SLC39A12: variants seen among roughly 807,000 people sequenced by gnomAD.
SLC39A12 encodes zinc transporter ZIP12.
In SLC39A12, 63 loss-of-function variants were observed where a neutral mutation model predicts 71.1. The observed-to-expected ratio is 0.89, with a 90% CI of 0.72 to 1.09. The LOEUF is 1.09. Ranked by LOEUF, SLC39A12 falls within the 50% of genes least tolerant of loss-of-function variation. The pLI, the probability that SLC39A12 is intolerant of heterozygous loss-of-function variation, is 0.00. For synonymous variants in SLC39A12, 351 were observed against 301.3 expected (o/e 1.16, Z -1.71); for missense variants, 892 against 812.6 (o/e 1.10, Z -1.19).
At chr10:18,035,548 T>C (rs1477614916) in intron 12 of SLC39A12, among the ~76,000 whole-genome samples, 1 of 151,868 alleles carries the variant, frequency 6.6e-6, no homozygotes, top group South Asian at 2.1e-4. Context: ...TTTACATTCT[T>C]CTAAATTTTT....
intron 10 of SLC39A12, among the ~76,000 whole-genome samples, chr10:17,998,106 C>A (rs1027170495): frequency 1.2e-4 from 19 of 152,278 alleles, no homozygotes; most frequent in African/African-American, 4.3e-4. Context: ...TTAAGCGATT[C>A]TCCTGCCTCA....
chr10:17,960,737 G>A lies in SLC39A12; in HGVS notation c.262-844G>A, dbSNP rs117815386. Among the ~76,000 whole-genome samples, 990 of 152,318 alleles carry A rather than the reference G, an allele frequency of 6.5e-3. 6 individuals are homozygous for A. The highest frequency in any genetic ancestry group is 0.02 in the Middle Eastern group (6 of 294). Reference sequence around the variant, plus strand: ...CAGCACAGTAACCACTAGCCCGCTTGTAACTGTTGGGCACTTGATTCGTGG... The same window carrying A: ...CAGCACAGTAACCACTAGCCCGCTTATAACTGTTGGGCACTTGATTCGTGG... On this transcript the variant is annotated intron_variant, in intron 2 of 12. Transcript: ENST00000377369.
At chr10:18,004,546 AC>A in intron 12 of SLC39A12, 1 of 152,246 alleles carries the variant, frequency 6.6e-6, no homozygotes, top group Middle Eastern at 3.4e-3. Context: ...CCATTTTTAA[AC>A]CCCACTCTAA....
Position 17,989,657 on chromosome 10 carries a change from G to A in SLC39A12, c.1270-1494G>A, listed in dbSNP as rs183743588. Among the ~76,000 whole-genome samples the A allele has an allele frequency of 2.8e-3, 419 of 152,226 alleles. 2 individuals are homozygous for A. Among genetic ancestry groups the A allele is most frequent in the African/African-American group, 9.5e-3 (394 of 41,548 alleles). On this transcript the variant is annotated intron_variant, in intron 7 of 12. Transcript: ENST00000377369. ...ACAAGAGCCGGGTGCAGTGGTTCAC[G>A]CCTGTAATCCCAGCACTTTGGGAGG...
chr10:17,991,029 C>T, intron 7 of SLC39A12, 122 bp from the exon 8 acceptor site: 1 of 1,003,444 alleles, frequency 1.0e-6, no homozygotes, highest in Non-Finnish European at 1.4e-6. Flanking sequence ...TAATAGTTGT[C>T]ACGGCATTTC....
At chr10:17,983,091 T>C (rs1835304606) in intron 6 of SLC39A12, among the ~76,000 whole-genome samples, 1 of 142,072 alleles carries the variant, frequency 7.0e-6, no homozygotes, top group South Asian at 2.2e-4. Context: ...TCCCAGCTAC[T>C]TGGGAGACGG....
chr10:17,974,764 C>G (rs567095073), intron 4 of SLC39A12, among the ~76,000 whole-genome samples: 1 of 152,128 alleles, frequency 6.6e-6, no homozygotes, highest in Non-Finnish European at 1.5e-5. Context: ...ACTGTAACCA[C>G]TCCCCGGCTA....
intron 7 of SLC39A12, among the ~76,000 whole-genome samples, chr10:17,989,077 C>A (rs1192628505): frequency 6.6e-6 from 1 of 152,190 alleles, no homozygotes; most frequent in Non-Finnish European, 1.5e-5. Flanking sequence ...TGTGCTGAGG[C>A]TCTTTTTCAG....
At chr10:18,041,767 GTATACATATGTA>G (rs1446143818) in intron 12 of SLC39A12, among the ~76,000 whole-genome samples, 1 of 141,674 alleles carries the variant, frequency 7.1e-6, no homozygotes, top group African/African-American at 2.6e-5. Context: ...GTATACATAT[GTATACATATGTA>G]TATACATATG....
At chr10:17,961,078 G>A (rs1834676475) in intron 2 of SLC39A12, among the ~76,000 whole-genome samples, 1 of 152,122 alleles carries the variant, frequency 6.6e-6, no homozygotes, top group African/African-American at 2.4e-5. Context: ...GTGAGAGGGT[G>A]ACAATTTAGG....
At chr10:17,984,460 G>A (rs1835350733) in intron 6 of SLC39A12, among the ~76,000 whole-genome samples, 1 of 152,212 alleles carries the variant, frequency 6.6e-6, no homozygotes, top group African/African-American at 2.4e-5. Context: ...GTCTTTTGCA[G>A]TTACCACTTC....
intron 4 of SLC39A12, among the ~76,000 whole-genome samples, chr10:17,977,299 C>G (rs1835134334): frequency 6.6e-6 from 1 of 150,984 alleles, no homozygotes; most frequent in Non-Finnish European, 1.5e-5. Context: ...TCTGGAAATA[C>G]TGAGATGTAT....
chr10:17,994,303 A>G (rs1037232505), intron 9 of SLC39A12, among the ~76,000 whole-genome samples: 1 of 152,200 alleles, frequency 6.6e-6, no homozygotes, highest in Non-Finnish European at 1.5e-5. Context: ...TAATATACGC[A>G]TAATTCCTCT....
At chr10:17,971,516 G>A (rs965948866) in intron 4 of SLC39A12, among the ~76,000 whole-genome samples, 1 of 151,774 alleles carries the variant, frequency 6.6e-6, no homozygotes, top group African/African-American at 2.4e-5. Flanking sequence ...CTCATCACTC[G>A]TTATTGGACT....
Position 17,962,547 on chromosome 10 carries a change from C to T in SLC39A12, c.543+685C>T, listed in dbSNP as rs374867043. 2.1e-4 allele frequency among the ~76,000 whole-genome samples: 32 copies of T among 149,710 alleles called. No individual in the cohort carries two copies. In the East Asian group the frequency reaches 5.1e-3, roughly 24 times the overall value. On this transcript the variant is annotated intron_variant, in intron 3 of 12. Transcript: ENST00000377369. ...CTGAACATAAGGTTTCTTTAAGCCA[C>T]GGGTTTTTTTTTTTTTAAAGAATTA... is the stretch of plus-strand genomic sequence containing the variant.
At chr10:17,975,241 G>T (rs80122602) in intron 4 of SLC39A12, among the ~76,000 whole-genome samples, 3,404 of 152,172 alleles carry the variant, frequency 0.022, 114 homozygotes, top group African/African-American at 0.074. Flanking sequence ...CCCACCCCAA[G>T]AGTCTGCTTG....
intron 4 of SLC39A12, among the ~76,000 whole-genome samples, chr10:17,977,109 T>C (rs1229211347): frequency 1.3e-5 from 2 of 152,180 alleles, no homozygotes; most frequent in Non-Finnish European, 2.9e-5. Context: ...TTTCACTTAT[T>C]GTCTCGATAT....
chr10:18,005,201 A>G (rs1040907487), intron 12 of SLC39A12, among the ~76,000 whole-genome samples: 1 of 152,142 alleles, frequency 6.6e-6, no homozygotes, highest in Non-Finnish European at 1.5e-5. Context: ...ACAAACCTGC[A>G]TATGTACCCC....
At chr10:17,958,647 T>C (rs753163551) in intron 2 of SLC39A12, among the ~76,000 whole-genome samples, 3 of 152,182 alleles carry the variant, frequency 2.0e-5, no homozygotes, top group Non-Finnish European at 4.4e-5. Flanking sequence ...ATCAGCTGTG[T>C]AGCTTTGGGC....
Sources: gnomAD v4.1 joint callset for allele counts (sites outside exome capture counted in the v4.1 genomes callset) on GRCh38, gnomAD v4.1.1 for gene constraint, MANE v1.5 for transcripts, NCBI Gene and HGNC (gene_info 2026-07-23, HGNC 2026-07-21) for gene names.